IL18RAP: variants seen among roughly 807,000 people sequenced by gnomAD.
IL18RAP encodes interleukin-18 receptor accessory protein.
Under a neutral mutation model 58.1 loss-of-function variants are expected in IL18RAP, and 37 were observed. That is an observed-to-expected ratio of 0.64 (90% CI 0.49 to 0.84). The LOEUF is 0.84. IL18RAP is among the 40% of genes least tolerant of loss of function. The pLI, the probability that IL18RAP is intolerant of heterozygous loss-of-function variation, is 0.00. For missense variants in IL18RAP, 667 were observed against 704.8 expected, an observed-to-expected ratio of 0.95 and a Z score of 0.61; for synonymous variants, 268 against 257.5, an observed-to-expected ratio of 1.04 and a Z score of -0.39.
chr2:102,443,097 G>C (rs911342203), intron 5 of IL18RAP, 103 bp from the exon 6 acceptor site: 1 of 1,109,946 alleles, frequency 9.0e-7, no homozygotes, highest in Non-Finnish European at 1.3e-6. Flanking sequence ...CTGCAAACCT[G>C]ATTGCATCAG....
intron 4 of IL18RAP, chr2:102,439,947 G>A (rs1682996021): frequency 6.6e-6 from 1 of 152,282 alleles, no homozygotes; most frequent in Non-Finnish European, 1.5e-5. Context: ...GACAGAAGGG[G>A]CTAGAGCCAA....
At chr2:102,422,900 C>T (rs3771154), upstream of IL18RAP, among the ~76,000 whole-genome samples, 81,312 of 151,930 alleles carry the variant, frequency 0.54, 23,605 homozygotes, top group African/African-American at 0.73. Context: ...CATGGAAATA[C>T]ACATGCTAGG....
Position 102,441,453 on chromosome 2 carries a change from C to G in IL18RAP, c.796+76C>G. On this transcript the variant is annotated intron_variant, in intron 5 of 9. Coordinates refer to ENST00000687160, the MANE Select transcript of IL18RAP (RefSeq NM_001393487.1). ...TCTAAGTGTGATAGAAGGAAAACAG[C>G]ATTGGGATTTCCAGTCAAACAGAAT... The G allele has an allele frequency of 2.6e-6, 3 of 1,139,696 alleles. No homozygotes were observed. In the South Asian group the frequency reaches 3.8e-5, roughly 15 times the overall value. The allele number at this position is 1,139,696 out of a possible 1,614,324, so 70.6% of individuals were successfully genotyped here.
Position 102,437,308 on chromosome 2 carries a change from T to C in IL18RAP, c.676T>C (p.Ser226Pro), listed in dbSNP as rs147704762. 71 of 1,613,690 alleles carry C rather than the reference T, an allele frequency of 4.4e-5. No homozygotes were observed. Among genetic ancestry groups the C allele is most frequent in the Non-Finnish European group, 5.8e-5 (69 of 1,179,816 alleles). The change falls in exon 4 of 10, where the codon TCG becomes CCG. Residue 226 changes from serine to proline, a missense_variant. Physicochemically the swap from Ser to Pro is moderately conservative, Grantham distance 74. Transcript: ENST00000687160. Reference sequence around the variant, plus strand: ...CACATATGTATGTGATTACACTCAGTCGGATACTGTGAGTTCGTGGACAGT... The same window carrying C: ...CACATATGTATGTGATTACACTCAGCCGGATACTGTGAGTTCGTGGACAGT... ...QGTYVCDYTQ[S>P]DTVSSWTVRA... is the part of the protein sequence containing the mutation.
At chr2:102,443,628 A>T (rs1025736981) in intron 6 of IL18RAP, among the ~76,000 whole-genome samples, 2 of 152,124 alleles carry the variant, frequency 1.3e-5, no homozygotes, top group Non-Finnish European at 2.9e-5. Flanking sequence ...AATGCTGCTT[A>T]CCCTCACTCT....
At chr2:102,443,076 A>T in intron 5 of IL18RAP, 124 bp from the exon 6 acceptor site, 1 of 856,068 alleles carries the variant, frequency 1.2e-6, no homozygotes, top group Non-Finnish European at 1.8e-6. Flanking sequence ...TTTCTGGCAC[A>T]CATATTCTAC....
intron 6 of IL18RAP, 111 bp downstream of exon 6, chr2:102,443,434 G>A: frequency 3.1e-6 from 4 of 1,280,226 alleles, no homozygotes; most frequent in Non-Finnish European, 4.3e-6. Flanking sequence ...ACCGACTAGT[G>A]GTGAAAATAA....
intron 3 of IL18RAP, among the ~76,000 whole-genome samples, chr2:102,431,706 T>G (rs1682375006): frequency 6.6e-6 from 1 of 152,130 alleles, no homozygotes; most frequent in African/African-American, 2.4e-5. Context: ...AGGTATTATA[T>G]TCTTTATCTG....
chr2:102,420,369 A>G (rs1286253861), upstream of IL18RAP, among the ~76,000 whole-genome samples: 1 of 152,160 alleles, frequency 6.6e-6, no homozygotes, highest in African/African-American at 2.4e-5. Flanking sequence ...AAGCCCAAAA[A>G]TCTGCATTTG....
intron 3 of IL18RAP, chr2:102,435,219 T>A (rs1334775481): frequency 6.6e-6 from 1 of 152,304 alleles, no homozygotes; most frequent in South Asian, 2.1e-4. Flanking sequence ...AAATAAAGGT[T>A]GTGTGGTTCT....
intron 6 of IL18RAP, among the ~76,000 whole-genome samples, chr2:102,443,700 T>C (rs937299336): frequency 6.6e-6 from 1 of 152,066 alleles, no homozygotes; most frequent in Admixed American, 6.5e-5. Flanking sequence ...ATGTGTGGGG[T>C]AATGAACAGT....
chr2:102,434,908 C>A (rs1573281114), intron 3 of IL18RAP: 1 of 152,122 alleles, frequency 6.6e-6, no homozygotes, highest in Admixed American at 6.5e-5. Context: ...GGTTCATAAA[C>A]CATCTGTTAA....
At position 102,423,789 on chromosome 2, in the gene IL18RAP, CTTTG is replaced by C. The variant is rs1681737865; in HGVS notation, c.71-18_71-15del. 3 of 1,552,460 alleles carry C rather than the reference CTTTG, an allele frequency of 1.9e-6. No homozygotes were observed. The Admixed American group carries it at 5.1e-5, about 27-fold the overall frequency. The stretch of plus-strand genomic sequence containing the variant: ...CCATTTTCTAATGTGTTTCCATGTG[CTTTG>C]TTTATTATGATTTTCAGGTTGTTCC... On this transcript the variant is annotated intron_variant, in intron 1 of 9. Coordinates refer to ENST00000687160, the MANE Select transcript of IL18RAP (RefSeq NM_001393487.1).
At chr2:102,441,492 TAACTC>T (rs1198540384) in intron 5 of IL18RAP, 115 bp downstream of exon 5, 4 of 779,018 alleles carry the variant, frequency 5.1e-6, no homozygotes, top group Non-Finnish European at 8.6e-6. Context: ...GTGTGAATCT[TAACTC>T]AGCCATTGAC....
rs1202730739 is a variant in IL18RAP at position 102,424,012 on chromosome 2, G to A, written c.272G>A (p.Gly91Glu). 2 of 1,614,018 alleles carry A rather than the reference G, an allele frequency of 1.2e-6. No homozygotes were observed. Among genetic ancestry groups the A allele is most frequent in the South Asian group, 2.2e-5 (2 of 91,074 alleles). Residue 91 changes from glycine to glutamate, a missense_variant, in exon 2 of 10, where the codon GGA becomes GAA. Gly to Glu is a moderately conservative substitution (Grantham distance 98). Transcript: ENST00000687160. ...CAATGGTACCAACAACCTTCGAATG[G>A]AGATCCATTAGAGGACATTAGGAAA... Reference protein sequence around the residue: ...DVQWYQQPSNGDPLEDIRKSY... With the variant: ...DVQWYQQPSNEDPLEDIRKSY...
upstream of IL18RAP, chr2:102,423,141 G>C: frequency 1.1e-6 from 1 of 880,044 alleles, no homozygotes; most frequent in Non-Finnish European, 1.9e-6. Context: ...TTGTTCACTG[G>C]TTCTGACTTC....
At chr2:102,427,995 T>TAA (rs1682070008) in intron 3 of IL18RAP, among the ~76,000 whole-genome samples, 1 of 140,742 alleles carries the variant, frequency 7.1e-6, no homozygotes, top group East Asian at 2.0e-4. Flanking sequence ...TTTTTTTTTT[T>TAA]AATTTATTGA....
At chr2:102,445,552 T>C (rs1205471551) in intron 7 of IL18RAP, among the ~76,000 whole-genome samples, 1 of 152,248 alleles carries the variant, frequency 6.6e-6, no homozygotes. Context: ...GCTAGTTCTC[T>C]TAAGTAATAG....
upstream of IL18RAP, chr2:102,419,501 T>C (rs190463367): frequency 1.3e-5 from 2 of 152,460 alleles, no homozygotes; most frequent in African/African-American, 4.8e-5. Context: ...CTTTCCTCTC[T>C]CTCCCCCGTT....
Sources: allele counts gnomAD v4.1 joint callset (sites outside exome capture counted in the v4.1 genomes callset), GRCh38; gene constraint gnomAD v4.1.1; transcripts MANE v1.5; gene names NCBI Gene and HGNC (gene_info 2026-07-23, HGNC 2026-07-21).